Variants in ZFHX2 observed in about 807,000 individuals in gnomAD.
ZFHX2 encodes the protein zinc finger homeobox 2, also known as zinc finger homeobox protein 2.
Under a neutral mutation model 164.8 loss-of-function variants are expected in ZFHX2, and 75 were observed. That is an observed-to-expected ratio of 0.46 (90% CI 0.38 to 0.55). The LOEUF (loss-of-function observed/expected upper bound fraction) is 0.55, where lower values mean the gene tolerates loss of function less well. Ranked by LOEUF, ZFHX2 falls within the 20% of genes least tolerant of loss-of-function variation. ZFHX2 has a pLI of 0.00. For synonymous variants in ZFHX2, 1,217 were observed against 1,351.4 expected (o/e 0.90, Z 2.18); for missense variants, 2,933 against 3,308.0 (o/e 0.89, Z 2.78).
chr14:23,524,214 C>A lies in ZFHX2; in HGVS notation c.5728G>T (p.Ala1910Ser). The A allele has an allele frequency of 6.5e-7, 1 of 1,536,538 alleles. No individual in the cohort carries two copies. The highest frequency in any genetic ancestry group is 1.2e-5 in the South Asian group (1 of 84,072). Reference sequence around the variant, plus strand: ...CGAAACTGGCCTTTCCTCTCCCGGGCCCTGGTATTCTGGAACCAGACCTGT... The same window carrying A: ...CGAAACTGGCCTTTCCTCTCCCGGGACCTGGTATTCTGGAACCAGACCTGT... ...VVQVWFQNTR[A>S]RERKGQFRST... is the part of the protein sequence containing the mutation. The change falls in exon 9 of 10, where the codon GCC becomes TCC. Residue 1910 changes from alanine to serine, a missense_variant. Ala to Ser is a moderately conservative substitution (Grantham distance 99, BLOSUM62 1). Transcript: ENST00000419474. The surrounding 1 kb of genome is among the most constrained non-coding windows in gnomAD (Gnocchi z 5.6).
intron 6 of ZFHX2, chr14:23,528,522 T>C: frequency 1.2e-6 from 1 of 861,914 alleles, no homozygotes; most frequent in Non-Finnish European, 1.4e-6. Context: ...CTGTCGTGTC[T>C]TCTCTGTGAA....
At chr14:23,550,583 G>A (rs1056393971) in intron 1 of ZFHX2, among the ~76,000 whole-genome samples, 4 of 152,186 alleles carry the variant, frequency 2.6e-5, no homozygotes, top group African/African-American at 7.2e-5. Context: ...AGGGACACAT[G>A]GACAGAGATC....
rs1335648389 is a variant in ZFHX2 at position 23,524,971 on chromosome 14, A to T, written c.4971T>A (p.Gly1657=). The T allele has an allele frequency of 9.1e-6, 14 of 1,535,818 alleles. No individual in the cohort carries two copies. The highest frequency in any genetic ancestry group is 1.1e-5 in the Non-Finnish European group (13 of 1,146,868). ...TGCCTCCTCCGGTTGGCATGGACCC[A>T]CCCTCACAGGCATTTTTGCGTGCTT... ...RQKARKNACE[G]GSMPTGGGTG... The change falls in exon 9 of 10, where the codon GGT becomes GGA. Residue 1657 remains glycine, a synonymous_variant. Coordinates refer to ENST00000419474, the MANE Select transcript of ZFHX2 (RefSeq NM_033400.3). The surrounding 1 kb of genome is among the most constrained non-coding windows in gnomAD (Gnocchi z 5.6).
At position 23,523,122 on chromosome 14, in the gene ZFHX2, G is replaced by C; in HGVS notation, c.6739+81C>G. On this transcript the variant is annotated intron_variant, in intron 9 of 9. Coordinates refer to ENST00000419474, the MANE Select transcript of ZFHX2 (RefSeq NM_033400.3). The surrounding 1 kb of genome is among the most constrained non-coding windows in gnomAD (Gnocchi z 4.1). Reference sequence around the variant, plus strand: ...GGCCACAGGAGATTGGGCATGGGAAGAATCAGGAAGGAAAAGGAAGGGCAT... The same window carrying C: ...GGCCACAGGAGATTGGGCATGGGAACAATCAGGAAGGAAAAGGAAGGGCAT... 7.1e-7 allele frequency: 1 copy of C among 1,400,664 alleles called. No homozygotes were observed. Among genetic ancestry groups the C allele is most frequent in the African/African-American group, 1.4e-5 (1 of 69,180 alleles). The allele number at this position is 1,400,664 out of a possible 1,614,324, so 86.8% of individuals were successfully genotyped here. A position where few individuals can be genotyped will look rare whatever the true frequency, so the allele number is the denominator to read the frequency against.
In ZFHX2 at chr14:23,531,394, T is replaced by C. The variant is rs576913183; in HGVS notation, c.2800+87A>G. The stretch of plus-strand genomic sequence containing the variant: ...GCCTACAGGCCCTCTTCGCCTTCCT[T>C]GTATCTCTAACTCCGCAGCCCCCCT... On this transcript the variant is annotated intron_variant, in intron 4 of 9. Transcript: ENST00000419474. 6 of 1,327,920 alleles carry C rather than the reference T, an allele frequency of 4.5e-6. No individual in the cohort carries two copies. The South Asian group carries it at 1.3e-4, about 29-fold the overall frequency. 82.3% of individuals were successfully genotyped at this position (1,327,920 alleles called of 1,614,324 possible). A position where few individuals can be genotyped will look rare whatever the true frequency, so the allele number is the denominator to read the frequency against.
rs778710521 is a variant in ZFHX2 at position 23,521,788 on chromosome 14, G to A, written c.*174C>T. 276 of 1,163,756 alleles carry A rather than the reference G, an allele frequency of 2.4e-4. No homozygotes were observed. Among genetic ancestry groups the A allele is most frequent in the Non-Finnish European group, 3.0e-4 (259 of 854,040 alleles). 72.1% of individuals were successfully genotyped at this position (1,163,756 alleles called of 1,614,324 possible). Reference sequence around the variant, plus strand: ...TGTCTGTGGGGATTGGGAGGAGGCAGGACTCTGCTGGAAGTGGGGTGTGTG... The same window carrying A: ...TGTCTGTGGGGATTGGGAGGAGGCAAGACTCTGCTGGAAGTGGGGTGTGTG... On this transcript the variant is annotated 3_prime_UTR_variant, in exon 10 of 10. Transcript: ENST00000419474.
chr14:23,530,727 C>T (rs1380777419), intron 4 of ZFHX2: 14 of 304,970 alleles, frequency 4.6e-5, no homozygotes, highest in South Asian at 1.4e-4. Context: ...GCGCCAGGAT[C>T]GTTAGCTATT....
upstream of ZFHX2, among the ~76,000 whole-genome samples, chr14:23,552,762 C>A (rs1377052355): frequency 6.6e-6 from 1 of 151,896 alleles, no homozygotes; most frequent in Non-Finnish European, 1.5e-5. Context: ...CCACCATGCC[C>A]TGCTAATTTT....
At chr14:23,528,897 G>T in intron 6 of ZFHX2, 1 of 924,926 alleles carries the variant, frequency 1.1e-6, no homozygotes, top group Non-Finnish European at 1.3e-6. Flanking sequence ...CTGTGTGTCA[G>T]GGAGGGGATG....
At chr14:23,553,545 G>C (rs1334014286), upstream of ZFHX2, among the ~76,000 whole-genome samples, 3 of 151,598 alleles carry the variant, frequency 2.0e-5, no homozygotes, top group Non-Finnish European at 4.4e-5. Context: ...GTTGCGGTGA[G>C]CCAAGATCAC....
At chr14:23,548,872 C>T (rs77314754) in intron 1 of ZFHX2, among the ~76,000 whole-genome samples, 1 of 152,324 alleles carries the variant, frequency 6.6e-6, no homozygotes, top group African/African-American at 2.4e-5. Context: ...CTCTCGCTCT[C>T]TTCGCATCAG....
In ZFHX2 at chr14:23,526,073, C is replaced by A; in HGVS notation, c.3869G>T (p.Arg1290Leu). The A allele has an allele frequency of 1.3e-6, 2 of 1,536,520 alleles. No homozygotes were observed. Among genetic ancestry groups the A allele is most frequent in the Non-Finnish European group, 1.7e-6 (2 of 1,146,952 alleles). The change falls in exon 9 of 10, where the codon CGC (arginine) becomes CTC (leucine). Residue 1290 changes from arginine to leucine, a missense_variant. Transcript: ENST00000419474. ...KTDSKIEGPE[R>L]SQEEPKEGET... Reference sequence around the variant, plus strand: ...GCCTTCCTTGGGCTCTTCTTGGCTGCGTTCTGGCCCTTCAATCTTGGAATC... The same window carrying A: ...GCCTTCCTTGGGCTCTTCTTGGCTGAGTTCTGGCCCTTCAATCTTGGAATC...
chr14:23,544,162 G>GA (rs889716735), intron 1 of ZFHX2: 5 of 151,672 alleles, frequency 3.3e-5, no homozygotes, highest in African/African-American at 1.2e-4. Context: ...GGCTGAGGCA[G>GA]AAGAATCGCT....
At position 23,522,086 on chromosome 14, in the gene ZFHX2, A is replaced by G. The variant is rs1177517788; in HGVS notation, c.7595T>C (p.Ile2532Thr). 2.6e-6 allele frequency: 4 copies of G among 1,536,148 alleles called. No individual in the cohort carries two copies. Among genetic ancestry groups the G allele is most frequent in the Non-Finnish European group, 2.6e-6 (3 of 1,146,778 alleles). The change falls in exon 10 of 10, where the codon ATC (isoleucine) becomes ACC (threonine). Residue 2532 changes from isoleucine to threonine, a missense_variant. Transcript: ENST00000419474. ...AGCAGTGGCGGCGTTGGTGATGGAG[A>G]TGGGTGGGCCCCCTTGAGGTGGGGC... ...KAAPPQGGPP[I>T]SITNAATAAS...
chr14:23,522,407 C>T lies in ZFHX2; in HGVS notation c.7274G>A (p.Gly2425Glu), dbSNP rs1028641597. The stretch of plus-strand genomic sequence containing the variant: ...ATCAACCTCACCAGCTTCCCCCTCC[C>T]CTGGAGCAGGCAGTTCAGGAGGCTT... ...PPKPPELPAP[G>E]EGEAGEVDEL... The change falls in exon 10 of 10, where the codon GGG (glycine) becomes GAG (glutamate). Residue 2425 changes from glycine (G) to glutamate (E), a missense_variant. Transcript: ENST00000419474. The T allele has an allele frequency of 2.0e-6, 3 of 1,536,304 alleles. No homozygotes were observed. Among genetic ancestry groups the T allele is most frequent in the South Asian group, 1.2e-5 (1 of 84,068 alleles).
At chr14:23,549,394 C>G (rs1406627764) in intron 1 of ZFHX2, among the ~76,000 whole-genome samples, 1 of 152,080 alleles carries the variant, frequency 6.6e-6, no homozygotes, top group Non-Finnish European at 1.5e-5. Flanking sequence ...TTTACCTTTC[C>G]AAGCTCCTGA....
At position 23,523,174 on chromosome 14, in the gene ZFHX2, G is replaced by A. The variant is rs150749465; in HGVS notation, c.6739+29C>T. ...TCATTAGAGGGGGATGTTCTCTGAA[G>A]TCCAGCTCCTCCCAGCCTCCCTACT... On this transcript the variant is annotated intron_variant, in intron 9 of 9. Transcript: ENST00000419474. This position sits in a 1 kb window ranked among gnomAD's most constrained non-coding sequence, Gnocchi z 4.1. The A allele has an allele frequency of 1.9e-5, 27 of 1,413,328 alleles. No homozygotes were observed. The highest frequency in any genetic ancestry group is 2.2e-5 in the Non-Finnish European group (24 of 1,089,636). 87.5% of individuals were successfully genotyped at this position (1,413,328 alleles called of 1,614,324 possible).
rs1361413318 is a variant in ZFHX2, at chr14:23,529,740, G to A, written c.2904C>T (p.Gly968=). Residue 968 remains glycine (G), a synonymous_variant, in exon 6 of 10, where the codon GGC becomes GGT. Coordinates refer to ENST00000419474, the MANE Select transcript of ZFHX2 (RefSeq NM_033400.3). The stretch of plus-strand genomic sequence containing the variant: ...TCTGGTTGGCACTGTCTCTGGAAGG[G>A]CCAGTCTTGTTTTCTGTCTCTTCTG... ...LASEETENKT[G]PSRDSANQTT... 1 of 1,536,242 alleles carries A rather than the reference G, an allele frequency of 6.5e-7. No individual in the cohort carries two copies. The highest frequency in any genetic ancestry group is 8.7e-7 in the Non-Finnish European group (1 of 1,146,922).
Position 23,551,674 on chromosome 14 carries a change from T to TCTCCTCCTCGCCCTCCTCCTC in ZFHX2, c.-402_-382dup, listed in dbSNP as rs1566598349. On this transcript the variant is annotated 5_prime_UTR_variant, in exon 1 of 10. Transcript: ENST00000419474. This position sits in a 1 kb window ranked among gnomAD's most constrained non-coding sequence, Gnocchi z 5.3. ...CCTGCCTCCTCCTCCTCCTCCTCCT[T>TCTCCTCCTCGCCCTCCTCCTC]CTCCTCCTCGCCCTCCTCCTCCTCC... The TCTCCTCCTCGCCCTCCTCCTC allele has an allele frequency of 2.6e-5, 4 of 151,636 alleles. No homozygotes were observed. The highest frequency in any genetic ancestry group is 1.3e-4 in the Admixed American group (2 of 14,998). 9.4% of individuals were successfully genotyped at this position (151,636 alleles called of 1,614,324 possible).
Sources: allele counts gnomAD v4.1 joint callset (sites outside exome capture counted in the v4.1 genomes callset), GRCh38; gene constraint gnomAD v4.1.1; non-coding constraint Gnocchi (gnomAD v3.1); transcripts MANE v1.5; gene names NCBI Gene and HGNC (gene_info 2026-07-23, HGNC 2026-07-21).